Variants in RTN4 observed in about 807,000 individuals in gnomAD.
RTN4 encodes reticulon-4.
Under a neutral mutation model 90.4 loss-of-function variants are expected in RTN4, and 32 were observed. The observed-to-expected ratio is 0.35, with a 90% confidence interval of 0.27 to 0.48. The LOEUF is 0.48. RTN4 is among the 20% of genes least tolerant of loss of function. RTN4 has a pLI of 0.99. For synonymous variants in RTN4, 629 were observed against 552.5 expected, an observed-to-expected ratio of 1.14 and a Z score of -1.94; for missense variants, 1,706 against 1,430.2, an observed-to-expected ratio of 1.19 and a Z score of -3.11.
At chr2:54,975,306 T>C (rs1055460451) in intron 5 of RTN4, among the ~76,000 whole-genome samples, 1 of 152,252 alleles carries the variant, frequency 6.6e-6, no homozygotes, top group Non-Finnish European at 1.5e-5. Context: ...TTGTTAAACA[T>C]TGGTCATCAT....
Position 55,049,740 on chromosome 2 carries a change from C to A in RTN4, c.556+5G>T. ...CGGCGCGAAGCGAGAGGTCGCGGCACTCACCCACTGAGCCCGAGGAGCCCC... is the reference window on the plus strand; with the variant it reads ...CGGCGCGAAGCGAGAGGTCGCGGCAATCACCCACTGAGCCCGAGGAGCCCC... On this transcript the variant is annotated splice_donor_5th_base_variant and intron_variant, in intron 1 of 8. Coordinates refer to ENST00000337526, the MANE Select transcript of RTN4 (RefSeq NM_020532.5). 7.2e-7 allele frequency: 1 copy of A among 1,381,482 alleles called. No homozygotes were observed. Among genetic ancestry groups the A allele is most frequent in the South Asian group, 1.7e-5 (1 of 59,728 alleles). The allele number at this position is 1,381,482 out of a possible 1,614,324, so 85.6% of individuals were successfully genotyped here.
intron 6 of RTN4, chr2:54,974,276 A>G (rs1330998870): frequency 8.2e-6 from 2 of 244,802 alleles, no homozygotes; most frequent in South Asian, 5.5e-5. Flanking sequence ...TTTAAAGAGA[A>G]TACAACCTCA....
At chr2:55,087,533 T>C (rs151049289) in intron 1 of RTN4, among the ~76,000 whole-genome samples, 12 of 152,338 alleles carry the variant, frequency 7.9e-5, no homozygotes, top group Admixed American at 2.6e-4. Context: ...TTGGTACATA[T>C]AGTTCCAATT....
intron 1 of RTN4, among the ~76,000 whole-genome samples, chr2:55,109,060 C>T (rs900031352): frequency 3.3e-5 from 5 of 151,976 alleles, no homozygotes; most frequent in African/African-American, 4.8e-5. Context: ...TGTTTTAAAT[C>T]GATACATCGA....
the RTN4 span, among the ~76,000 whole-genome samples, chr2:55,136,645 C>T: frequency 2.0e-5 from 3 of 152,218 alleles, no homozygotes; most frequent in Non-Finnish European, 4.4e-5. Context: ...ATACATTCAC[C>T]TCTTGCTGGG....
At chr2:54,981,994 G>A (rs1573286380) in intron 5 of RTN4, among the ~76,000 whole-genome samples, 1 of 151,150 alleles carries the variant, frequency 6.6e-6, no homozygotes, top group East Asian at 1.9e-4. Context: ...CACTCTTGTT[G>A]CCCAGGCTGG....
At chr2:55,057,044 G>A (rs1668202729) in intron 2 of RTN4, among the ~76,000 whole-genome samples, 1 of 152,124 alleles carries the variant, frequency 6.6e-6, no homozygotes, top group South Asian at 2.1e-4. Flanking sequence ...CAGAAAAAAT[G>A]CACAAACACA....
chr2:55,025,458 A>T lies in RTN4; in HGVS notation c.2641T>A (p.Ser881Thr). Residue 881 changes from serine (S) to threonine (T), a missense_variant, in exon 3 of 9, where the codon TCA becomes ACA. Ser to Thr is a moderately conservative substitution (Grantham distance 58, BLOSUM62 1). Transcript: ENST00000337526. Reference sequence around the variant, plus strand: ...TATTCCCTGGCTAATTTAGAAAATGAATCAGTTTTAGAACTGATCAATGTA... The same window carrying T: ...TATTCCCTGGCTAATTTAGAAAATGTATCAGTTTTAGAACTGATCAATGTA... ...FPTLISSKTD[S>T]FSKLAREYTD... 2 of 1,613,800 alleles carry T rather than the reference A, an allele frequency of 1.2e-6. No homozygotes were observed. Among genetic ancestry groups the T allele is most frequent in the Non-Finnish European group, 1.7e-6 (2 of 1,179,828 alleles).
intron 2 of RTN4, among the ~76,000 whole-genome samples, chr2:55,072,056 C>T (rs1668522740): frequency 6.6e-6 from 1 of 152,148 alleles, no homozygotes; most frequent in African/African-American, 2.4e-5. Context: ...GCAGCTCCCA[C>T]CACTATCCCA....
the RTN4 span, among the ~76,000 whole-genome samples, chr2:55,118,409 G>A: frequency 3.3e-5 from 5 of 151,714 alleles, no homozygotes; most frequent in African/African-American, 9.7e-5. Context: ...AGGCTGCAGC[G>A]AGCTGTGTTC....
intron 3 of RTN4, among the ~76,000 whole-genome samples, chr2:54,995,714 TAC>T (rs1679370798): frequency 2.0e-5 from 3 of 152,114 alleles, no homozygotes; most frequent in African/African-American, 7.2e-5. Flanking sequence ...GGCACACTCA[TAC>T]ACACACCCCC....
At chr2:55,122,886 A>T in the RTN4 span, among the ~76,000 whole-genome samples, 2 of 152,250 alleles carry the variant, frequency 1.3e-5, no homozygotes, top group Admixed American at 6.5e-5. Context: ...GCCAGTGCTC[A>T]AGCAGTAAAC....
At chr2:55,023,763 T>C (rs1351069804) in intron 3 of RTN4, among the ~76,000 whole-genome samples, 4 of 152,144 alleles carry the variant, frequency 2.6e-5, no homozygotes, top group Non-Finnish European at 4.4e-5. Flanking sequence ...TCAAGTCTCA[T>C]TCACTTCTCA....
the RTN4 span, among the ~76,000 whole-genome samples, chr2:55,128,109 G>A: frequency 2.0e-5 from 3 of 152,078 alleles, no homozygotes; most frequent in Non-Finnish European, 4.4e-5. Context: ...GCCTCCCAAA[G>A]TGCTGGGATT....
chr2:54,979,451 A>T (rs1677942567), intron 5 of RTN4, among the ~76,000 whole-genome samples: 1 of 152,194 alleles, frequency 6.6e-6, no homozygotes, highest in Non-Finnish European at 1.5e-5. Context: ...TAGAAAGGTA[A>T]TCCTATCAAG....
At chr2:55,071,354 A>C (rs946777322) in intron 2 of RTN4, among the ~76,000 whole-genome samples, 7 of 152,134 alleles carry the variant, frequency 4.6e-5, no homozygotes, top group African/African-American at 1.2e-4. Context: ...GATTATAAGG[A>C]AACAACGAAA....
At chr2:55,010,213 A>C (rs1282847085) in intron 3 of RTN4, 2 of 1,594,490 alleles carry the variant, frequency 1.3e-6, no homozygotes, top group Non-Finnish European at 1.7e-6. Flanking sequence ...TGAGACATGA[A>C]ATACCCGTTT....
intron 3 of RTN4, among the ~76,000 whole-genome samples, chr2:55,012,882 A>G (rs1211751902): frequency 1.3e-5 from 2 of 152,172 alleles, no homozygotes; most frequent in African/African-American, 4.8e-5. Flanking sequence ...TATAGGTCCT[A>G]TTCCACAATG....
intron 2 of RTN4, among the ~76,000 whole-genome samples, chr2:55,070,497 G>T (rs982021421): frequency 2.3e-5 from 3 of 133,040 alleles, no homozygotes; most frequent in Non-Finnish European, 3.1e-5. Context: ...AGTGAGCTAT[G>T]ATCATGCCAT....
Sources: gnomAD v4.1 joint callset for allele counts (sites outside exome capture counted in the v4.1 genomes callset) on GRCh38, gnomAD v4.1.1 for gene constraint, MANE v1.5 for transcripts, NCBI Gene and HGNC (gene_info 2026-07-23, HGNC 2026-07-21) for gene names.